The following ICA1 variants were observed in gnomAD, a reference collection of about 807,000 sequenced individuals.
ICA1 encodes the protein islet cell autoantigen 1, also known as 69 kDa islet cell autoantigen.
A neutral mutation model predicts 71.0 loss-of-function variants in ICA1; 40 were observed. The ratio of observed to expected loss-of-function variants is 0.56; its 90% CI spans 0.44 to 0.73. The LOEUF (loss-of-function observed/expected upper bound fraction) is 0.73, where lower values mean the gene tolerates loss of function less well. Ranked by LOEUF, ICA1 falls within the 30% of genes least tolerant of loss-of-function variation. The probability of loss-of-function intolerance (pLI) is 0.00; values close to 1 mark genes in which losing one functional copy is unlikely to be tolerated. For missense variants in ICA1, 578 were observed against 576.5 expected, an observed-to-expected ratio of 1.00 and a Z score of -0.03; for synonymous variants, 207 against 209.5, an observed-to-expected ratio of 0.99 and a Z score of 0.10.
intron 3 of ICA1, among the ~76,000 whole-genome samples, chr7:8,230,404 G>T (rs1799916509): frequency 6.6e-6 from 1 of 152,146 alleles, no homozygotes; most frequent in South Asian, 2.1e-4. Context: ...GAACATCAAA[G>T]AGGTTTTCAC....
At chr7:8,159,702 AAAAC>A (rs1383132292) in intron 6 of ICA1, among the ~76,000 whole-genome samples, 2 of 152,212 alleles carry the variant, frequency 1.3e-5, no homozygotes, top group African/African-American at 2.4e-5. Context: ...TGTCTCAAAA[AAAAC>A]AAACAAATAA....
intron 6 of ICA1, among the ~76,000 whole-genome samples, chr7:8,195,157 T>A (rs555308333): frequency 6.6e-5 from 10 of 152,200 alleles, no homozygotes; most frequent in African/African-American, 2.2e-4. Flanking sequence ...AACTGCAAAT[T>A]AAAACAACAA....
intron 6 of ICA1, among the ~76,000 whole-genome samples, chr7:8,168,577 T>A (rs1380986069): frequency 6.6e-6 from 1 of 152,172 alleles, no homozygotes; most frequent in Non-Finnish European, 1.5e-5. Flanking sequence ...CAAGAACCCC[T>A]GGTCAACAAT....
At chr7:8,203,905 C>T (rs111245532) in intron 6 of ICA1, among the ~76,000 whole-genome samples, 14 of 152,184 alleles carry the variant, frequency 9.2e-5, no homozygotes, top group African/African-American at 3.4e-4. Context: ...GTTGAGCCTA[C>T]TCTTGCAGGA....
At chr7:8,261,937 G>A (rs946969843) in intron 1 of ICA1, 157 bp downstream of exon 1, 1 of 152,436 alleles carries the variant, frequency 6.6e-6, no homozygotes, top group Non-Finnish European at 1.5e-5. Flanking sequence ...CGGGATCCGG[G>A]ACCCGAGGAG....
At chr7:8,145,100 T>C (rs1436211314) in intron 8 of ICA1, among the ~76,000 whole-genome samples, 8 of 152,236 alleles carry the variant, frequency 5.3e-5, no homozygotes, top group Non-Finnish European at 1.5e-5. Context: ...TGTTTCTCTC[T>C]CTGCACAGAG....
intron 1 of ICA1, among the ~76,000 whole-genome samples, chr7:8,255,356 C>T (rs1220406881): frequency 6.6e-6 from 1 of 152,214 alleles, no homozygotes; most frequent in African/African-American, 2.4e-5. Flanking sequence ...TGAAATGCTC[C>T]TCTTCCTCTA....
intron 2 of ICA1, among the ~76,000 whole-genome samples, chr7:8,235,160 T>C (rs1217469467): frequency 2.0e-5 from 3 of 150,120 alleles, no homozygotes; most frequent in Non-Finnish European, 4.4e-5. Context: ...TGAGACTCCA[T>C]CTCAAAAAAA....
intron 4 of ICA1, among the ~76,000 whole-genome samples, chr7:8,228,266 T>G (rs1295504782): frequency 6.6e-6 from 1 of 151,508 alleles, no homozygotes; most frequent in African/African-American, 2.4e-5. Flanking sequence ...AGGAACAAAA[T>G]TGGATATCAG....
At chr7:8,197,358 G>A (rs1313535317) in intron 6 of ICA1, among the ~76,000 whole-genome samples, 1 of 151,372 alleles carries the variant, frequency 6.6e-6, no homozygotes, top group East Asian at 1.9e-4. Context: ...TTCAAGACAA[G>A]CCTGGCCAAC....
chr7:8,213,227 T>C (rs1794388635), intron 6 of ICA1, among the ~76,000 whole-genome samples: 2 of 152,290 alleles, frequency 1.3e-5, no homozygotes, highest in Admixed American at 6.5e-5. Flanking sequence ...AAGAACTCAA[T>C]CCACTGTATA....
chr7:8,213,007 G>A (rs994289729), intron 6 of ICA1, among the ~76,000 whole-genome samples: 1 of 152,054 alleles, frequency 6.6e-6, no homozygotes, highest in Non-Finnish European at 1.5e-5. Context: ...CTTTTCCTTC[G>A]GCATTCACAT....
chr7:8,175,036 A>G (rs7804613), intron 6 of ICA1, among the ~76,000 whole-genome samples: 35,084 of 151,968 alleles, frequency 0.23, 4,278 homozygotes, highest in African/African-American at 0.29. Context: ...GGAGGGCAAA[A>G]GAGAGAAAGG....
At chr7:8,197,275 C>T (rs1562953827) in intron 6 of ICA1, among the ~76,000 whole-genome samples, 1 of 151,620 alleles carries the variant, frequency 6.6e-6, no homozygotes, top group Non-Finnish European at 1.5e-5. Context: ...AAAGAAGAGG[C>T]TGGGTGTGGT....
At chr7:8,259,227 G>C (rs1811360586) in intron 1 of ICA1, among the ~76,000 whole-genome samples, 1 of 152,192 alleles carries the variant, frequency 6.6e-6, no homozygotes, top group Non-Finnish European at 1.5e-5. Flanking sequence ...TGAATTCACT[G>C]GGTCTGGAAG....
At chr7:8,246,872 G>A (rs1401790542) in intron 1 of ICA1, among the ~76,000 whole-genome samples, 2 of 152,054 alleles carry the variant, frequency 1.3e-5, no homozygotes, top group Non-Finnish European at 2.9e-5. Context: ...TCAGCCTCCC[G>A]AGTAGCTGGA....
At chr7:8,146,927 TTCC>T (rs1266900053) in intron 8 of ICA1, among the ~76,000 whole-genome samples, 1 of 150,848 alleles carries the variant, frequency 6.6e-6, no homozygotes, top group Admixed American at 6.6e-5. Context: ...GGTAGTTTTA[TTCC>T]TCCACAAAAT....
intron 6 of ICA1, among the ~76,000 whole-genome samples, chr7:8,182,124 C>CT (rs1018624761): frequency 4.6e-5 from 7 of 151,970 alleles, no homozygotes; most frequent in South Asian, 2.1e-4. Flanking sequence ...CACTCTTACC[C>CT]TTTTTTTTCC....
intron 1 of ICA1, among the ~76,000 whole-genome samples, chr7:8,252,040 A>G (rs1436533821): frequency 6.6e-6 from 1 of 152,202 alleles, no homozygotes; most frequent in South Asian, 2.1e-4. Context: ...ATAAAAATAT[A>G]AAGTGTAAAA....
Sources: gnomAD v4.1 joint callset for allele counts (sites outside exome capture counted in the v4.1 genomes callset) on GRCh38, gnomAD v4.1.1 for gene constraint, MANE v1.5 for transcripts, NCBI Gene and HGNC (gene_info 2026-07-23, HGNC 2026-07-21) for gene names.